Variants in SPOCK3 observed in about 807,000 individuals in gnomAD.
SPOCK3 encodes testican-3.
Under a neutral mutation model 56.6 loss-of-function variants are expected in SPOCK3, and 30 were observed. That is an observed-to-expected ratio of 0.53 (90% CI 0.40 to 0.72). The LOEUF is 0.72. Ranked by LOEUF, SPOCK3 falls within the 30% of genes least tolerant of loss-of-function variation. SPOCK3 has a pLI of 0.00. For missense variants in SPOCK3, 527 were observed against 530.0 expected, an observed-to-expected ratio of 0.99 and a Z score of 0.06; for synonymous variants, 196 against 183.3, an observed-to-expected ratio of 1.07 and a Z score of -0.56.
intron 2 of SPOCK3, among the ~76,000 whole-genome samples, chr4:167,159,354 C>A (rs1765084243): frequency 6.6e-6 from 1 of 151,878 alleles, no homozygotes; most frequent in African/African-American, 2.4e-5. Context: ...AGAAGTTTCT[C>A]TCTTACTTTC....
chr4:167,107,633 G>C (rs188461210), intron 2 of SPOCK3, among the ~76,000 whole-genome samples: 38 of 151,840 alleles, frequency 2.5e-4, no homozygotes, highest in Admixed American at 7.2e-4. Context: ...AGATATAAAG[G>C]ACATCCAGAT....
chr4:166,982,762 T>C (rs1456130453), intron 4 of SPOCK3, among the ~76,000 whole-genome samples: 2 of 152,018 alleles, frequency 1.3e-5, no homozygotes, highest in Non-Finnish European at 2.9e-5. Context: ...TTAAAATGAG[T>C]AGAAACATAA....
chr4:167,053,777 G>A (rs940429297), intron 3 of SPOCK3, among the ~76,000 whole-genome samples: 3 of 152,028 alleles, frequency 2.0e-5, no homozygotes, highest in African/African-American at 7.2e-5. Context: ...CTTCCTGAGA[G>A]GCTCTGATTT....
intron 6 of SPOCK3, among the ~76,000 whole-genome samples, chr4:166,815,454 A>G (rs1328262947): frequency 6.6e-6 from 1 of 152,130 alleles, no homozygotes; most frequent in African/African-American, 2.4e-5. Context: ...ACACCTACAT[A>G]CATTGAATAT....
Position 167,234,103 on chromosome 4 carries a change from G to T in SPOCK3, c.71C>A (p.Ala24Glu). 5 of 1,613,906 alleles carry T rather than the reference G, an allele frequency of 3.1e-6. No individual in the cohort carries two copies. Among genetic ancestry groups the T allele is most frequent in the Non-Finnish European group, 4.2e-6 (5 of 1,179,992 alleles). ...CCGCCCCCCGGCTGCAGCCACCGCCGCGGCAGCTGCGAGAGACTGACTGCA... is the reference window on the plus strand; with the variant it reads ...CCGCCCCCCGGCTGCAGCCACCGCCTCGGCAGCTGCGAGAGACTGACTGCA... ...AWCSQSLAAAAAVAAAGGRSD... is the reference protein window; with the variant it reads ...AWCSQSLAAAEAVAAAGGRSD... The change falls in exon 2 of 11, where the codon GCG (alanine) becomes GAG (glutamate). Residue 24 changes from alanine to glutamate, a missense_variant. Transcript: ENST00000357545.
intron 2 of SPOCK3, among the ~76,000 whole-genome samples, chr4:167,217,844 C>T (rs890458908): frequency 4.6e-5 from 7 of 151,536 alleles, no homozygotes; most frequent in Admixed American, 6.6e-5. Flanking sequence ...TGCAACATTG[C>T]TATAAAAATT....
At chr4:166,794,191 T>G (rs1351063141) in intron 6 of SPOCK3, among the ~76,000 whole-genome samples, 1 of 122,654 alleles carries the variant, frequency 8.2e-6, no homozygotes, top group Non-Finnish European at 1.6e-5. Flanking sequence ...CCACCATGGC[T>G]GAGGCTGAGG....
At chr4:167,171,992 G>T (rs996247045) in intron 2 of SPOCK3, among the ~76,000 whole-genome samples, 3 of 151,964 alleles carry the variant, frequency 2.0e-5, no homozygotes, top group African/African-American at 7.2e-5. Flanking sequence ...AAGGTAAAAA[G>T]ATATGGAAGG....
intron 2 of SPOCK3, among the ~76,000 whole-genome samples, chr4:167,093,121 G>A (rs1758846778): frequency 6.6e-6 from 1 of 152,036 alleles, no homozygotes; most frequent in Non-Finnish European, 1.5e-5. Flanking sequence ...ACTTGGAGAT[G>A]TTGCCTCCAT....
At chr4:167,142,444 G>A (rs993795075) in intron 2 of SPOCK3, among the ~76,000 whole-genome samples, 8 of 151,210 alleles carry the variant, frequency 5.3e-5, no homozygotes, top group African/African-American at 9.7e-5. Context: ...AGGCAGCCAC[G>A]AGAAAAAAAA....
At chr4:166,776,165 A>G (rs935177842) in intron 7 of SPOCK3, among the ~76,000 whole-genome samples, 10 of 152,158 alleles carry the variant, frequency 6.6e-5, no homozygotes, top group African/African-American at 2.2e-4. Flanking sequence ...CTGTAATCCC[A>G]GCACTTTGGG....
chr4:167,159,352 C>T (rs967438086), intron 2 of SPOCK3, among the ~76,000 whole-genome samples: 3 of 151,884 alleles, frequency 2.0e-5, no homozygotes, highest in Non-Finnish European at 4.4e-5. Context: ...GCAGAAGTTT[C>T]TCTCTTACTT....
At chr4:166,962,663 A>T (rs1744267988) in intron 4 of SPOCK3, among the ~76,000 whole-genome samples, 1 of 152,150 alleles carries the variant, frequency 6.6e-6, no homozygotes, top group African/African-American at 2.4e-5. Flanking sequence ...ATGACACTTC[A>T]GCATTAGAAA....
chr4:166,783,246 C>A (rs943683386), intron 7 of SPOCK3, among the ~76,000 whole-genome samples: 5 of 152,086 alleles, frequency 3.3e-5, no homozygotes, highest in African/African-American at 7.2e-5. Context: ...GTAATCCCAG[C>A]TACTTGGGAG....
chr4:167,073,814 G>T (rs13120507), intron 2 of SPOCK3, among the ~76,000 whole-genome samples: 3,326 of 151,754 alleles, frequency 0.022, 54 homozygotes, highest in Non-Finnish European at 0.037. Flanking sequence ...ATAGTTCATG[G>T]CTTCTAAAAT....
rs1489125231 is a variant in SPOCK3, at chr4:166,985,793, G to T, written c.350+14556C>A. On this transcript the variant is annotated intron_variant, in intron 4 of 10. Transcript: ENST00000357545. ...TATTCTATGAAGCTAAATGGGAAAA[G>T]TAGATAAGCAGATACTGCTTATATC... is the stretch of plus-strand genomic sequence containing the variant. Among the ~76,000 whole-genome samples, 3 of 152,154 alleles carry T rather than the reference G, an allele frequency of 2.0e-5. No homozygotes were observed. In the East Asian group the frequency reaches 5.8e-4, roughly 29 times the overall value.
At chr4:167,047,672 G>A (rs975511739) in intron 3 of SPOCK3, among the ~76,000 whole-genome samples, 1 of 152,148 alleles carries the variant, frequency 6.6e-6, no homozygotes, top group Admixed American at 6.5e-5. Flanking sequence ...TTTAATATTT[G>A]TCTTCACTGG....
intron 3 of SPOCK3, among the ~76,000 whole-genome samples, chr4:167,002,804 T>G (rs1441707856): frequency 6.6e-6 from 1 of 152,186 alleles, no homozygotes; most frequent in Non-Finnish European, 1.5e-5. Flanking sequence ...TTAGAAGACA[T>G]TAAAAGTGTT....
chr4:166,904,846 T>C (rs1168158454), intron 5 of SPOCK3, among the ~76,000 whole-genome samples: 1 of 152,038 alleles, frequency 6.6e-6, no homozygotes, highest in Non-Finnish European at 1.5e-5. Flanking sequence ...TCCTGTATTC[T>C]TTTTCCTTGG....
Sources: allele counts gnomAD v4.1 joint callset (sites outside exome capture counted in the v4.1 genomes callset), GRCh38; gene constraint gnomAD v4.1.1; transcripts MANE v1.5; gene names NCBI Gene and HGNC (gene_info 2026-07-23, HGNC 2026-07-21).